PTN: variants seen among roughly 807,000 people sequenced by gnomAD.
PTN encodes the protein heparin affin regulatory protein.
In PTN, 18 loss-of-function variants were observed where a neutral mutation model predicts 24.1. That is an observed-to-expected ratio of 0.75 (90% CI 0.52 to 1.11). PTN has a LOEUF of 1.11. PTN is among the 50% of genes least tolerant of loss of function. The pLI is 0.00. For missense variants in PTN, 163 were observed against 198.8 expected, an observed-to-expected ratio of 0.82 and a Z score of 1.08; for synonymous variants, 78 against 68.6, an observed-to-expected ratio of 1.14 and a Z score of -0.67.
rs563579603 is a variant in PTN at position 137,341,037 on chromosome 7, C to T, written c.-2+2402G>A. Among the ~76,000 whole-genome samples the T allele has an allele frequency of 7.2e-5, 11 of 152,184 alleles. 2 individuals are homozygous for T. The highest frequency in any genetic ancestry group is 1.9e-4 in the African/African-American group (8 of 41,510). On this transcript the variant is annotated intron_variant, in intron 1 of 4. Coordinates refer to ENST00000348225, the MANE Select transcript of PTN (RefSeq NM_002825.7). ...CCATTTTCAACGAGCCGGGTAAACT[C>T]GATTTTGTGGGAAATTTTTGAATAG...
chr7:137,324,782 CTCA>C (rs1386292701), intron 1 of PTN: 2 of 152,116 alleles, frequency 1.3e-5, no homozygotes, highest in Non-Finnish European at 2.9e-5. Context: ...CCTCCTCCTT[CTCA>C]TCCATGGAAA....
chr7:137,269,624 A>ATTTTTTTTTTTT lies in PTN; in HGVS notation c.-1-14662_-1-14651dup, dbSNP rs869311084. ...TGCTATCTGTCAAGCTGCTTCATCT[A>ATTTTTTTTTTTT]TTTTTTTTTTTTTTTTTTTTTTTTT... On this transcript the variant is annotated intron_variant, in intron 1 of 4. Transcript: ENST00000348225. Among the ~76,000 whole-genome samples the ATTTTTTTTTTTT allele has an allele frequency of 8.7e-4, 55 of 63,010 alleles. 14 individuals are homozygous for ATTTTTTTTTTTT. The highest frequency in any genetic ancestry group is 3.9e-3 in the African/African-American group (53 of 13,424). 41.3% of individuals were successfully genotyped at this position (63,010 alleles called of 152,430 possible).
At chr7:137,304,099 C>T (rs1408761137) in intron 1 of PTN, among the ~76,000 whole-genome samples, 4 of 152,030 alleles carry the variant, frequency 2.6e-5, no homozygotes, top group Non-Finnish European at 4.4e-5. Context: ...GACTCCCATA[C>T]GGAGTTACCA....
At chr7:137,263,133 G>C (rs941617922) in intron 1 of PTN, among the ~76,000 whole-genome samples, 1 of 152,188 alleles carries the variant, frequency 6.6e-6, no homozygotes, top group Non-Finnish European at 1.5e-5. Flanking sequence ...GTGAATCAAG[G>C]TAGTGATGAA....
At chr7:137,233,911 T>C (rs200564990) in intron 4 of PTN, among the ~76,000 whole-genome samples, 46 of 138,090 alleles carry the variant, frequency 3.3e-4, no homozygotes, top group African/African-American at 1.1e-3. Context: ...CACACACACA[T>C]ACATATATGT....
Position 137,227,408 on chromosome 7 carries a change from A to C in PTN, c.*612T>G, listed in dbSNP as rs1204546577. ...TTTCCTCAGATGGAAAAATAATTTC[A>C]TCAAGAAAACAAATGCTTCTGCCAA... On this transcript the variant is annotated 3_prime_UTR_variant, in exon 5 of 5. Transcript: ENST00000348225. 2 of 151,642 alleles carry C rather than the reference A, an allele frequency of 1.3e-5. No individual in the cohort carries two copies. The highest frequency in any genetic ancestry group is 3.0e-5 in the Non-Finnish European group (2 of 67,656). The allele number at this position is 151,642 out of a possible 1,614,324, so 9.4% of individuals were successfully genotyped here. A position where few individuals can be genotyped will look rare whatever the true frequency, so the allele number is the denominator to read the frequency against.
chr7:137,277,904 ATGATAGAT>A (rs1563209545), intron 1 of PTN, among the ~76,000 whole-genome samples: 7 of 1,866 alleles, frequency 3.8e-3, no homozygotes, highest in Non-Finnish European at 7.9e-3. Flanking sequence ...GATAGATGAG[ATGATAGAT>A]AGATAGATAG....
At chr7:137,255,120 T>G (rs1381633047) in intron 1 of PTN, 146 bp from the exon 2 acceptor site, 2 of 514,058 alleles carry the variant, frequency 3.9e-6, no homozygotes, top group East Asian at 6.0e-5. Flanking sequence ...TTGGGTAGAA[T>G]TTTATCTATT....
chr7:137,309,098 C>T (rs975679315), intron 1 of PTN, among the ~76,000 whole-genome samples: 77 of 152,236 alleles, frequency 5.1e-4, no homozygotes, highest in African/African-American at 1.8e-3. Context: ...AACTGATGTA[C>T]GGCCATACCT....
intron 1 of PTN, among the ~76,000 whole-genome samples, chr7:137,269,301 G>A (rs1263077641): frequency 1.3e-5 from 2 of 152,000 alleles, no homozygotes; most frequent in African/African-American, 2.4e-5. Flanking sequence ...TTTTGATTTT[G>A]TTCACGCAGT....
At chr7:137,230,400 C>A (rs1001567300) in intron 4 of PTN, among the ~76,000 whole-genome samples, 4 of 151,826 alleles carry the variant, frequency 2.6e-5, no homozygotes, top group Admixed American at 2.6e-4. Flanking sequence ...TCAACTTATT[C>A]TTCTGACACA....
intron 1 of PTN, among the ~76,000 whole-genome samples, chr7:137,336,222 A>T (rs1308743214): frequency 6.6e-6 from 1 of 152,142 alleles, no homozygotes; most frequent in Non-Finnish European, 1.5e-5. Flanking sequence ...AACAAGTAAC[A>T]TCATCATCAT....
chr7:137,330,993 G>T (rs901192070), intron 1 of PTN, among the ~76,000 whole-genome samples: 1 of 152,172 alleles, frequency 6.6e-6, no homozygotes, highest in African/African-American at 2.4e-5. Context: ...TTTATGTGAG[G>T]TCTGAAGTTC....
chr7:137,322,051 C>T (rs1810171441), intron 1 of PTN, among the ~76,000 whole-genome samples: 1 of 152,320 alleles, frequency 6.6e-6, no homozygotes, highest in East Asian at 1.9e-4. Flanking sequence ...CCCTGGCACT[C>T]TCCTTCCTAA....
Position 137,304,547 on chromosome 7 carries a change from A to C in PTN, c.-2+38892T>G, listed in dbSNP as rs1156254698. On this transcript the variant is annotated intron_variant, in intron 1 of 4. Coordinates refer to ENST00000348225, the MANE Select transcript of PTN (RefSeq NM_002825.7). ...TTATTGCCTGAAAAGAGAACTAAAAAACAGGGAGGGCAAAAAAGAAGGAAT... is the reference window on the plus strand; with the variant it reads ...TTATTGCCTGAAAAGAGAACTAAAACACAGGGAGGGCAAAAAAGAAGGAAT... 3.8e-4 allele frequency among the ~76,000 whole-genome samples: 58 copies of C among 152,026 alleles called. 1 individual carries two copies. The highest frequency in any genetic ancestry group is 3.8e-3 in the Admixed American group (58 of 15,236).
At chr7:137,246,687 T>C (rs1409396728) in intron 4 of PTN, among the ~76,000 whole-genome samples, 2 of 152,198 alleles carry the variant, frequency 1.3e-5, no homozygotes, top group South Asian at 2.1e-4. Context: ...ATGTGGATAT[T>C]AGATCAGACA....
chr7:137,332,987 T>G (rs1333036200), intron 1 of PTN, among the ~76,000 whole-genome samples: 3 of 152,182 alleles, frequency 2.0e-5, no homozygotes, highest in Non-Finnish European at 2.9e-5. Context: ...CCACCAAACC[T>G]TATGTTGAAA....
chr7:137,246,651 A>C (rs1403313219), intron 4 of PTN, among the ~76,000 whole-genome samples: 1 of 152,196 alleles, frequency 6.6e-6, no homozygotes, highest in Non-Finnish European at 1.5e-5. Flanking sequence ...TGCATAAGTC[A>C]TTGATTTTCT....
At chr7:137,277,678 T>A (rs1264156561) in intron 1 of PTN, among the ~76,000 whole-genome samples, 1 of 152,124 alleles carries the variant, frequency 6.6e-6, no homozygotes, top group Non-Finnish European at 1.5e-5. Flanking sequence ...CAAACAATCC[T>A]CCTACCTCAG....
Sources: allele counts gnomAD v4.1 joint callset (sites outside exome capture counted in the v4.1 genomes callset), GRCh38; gene constraint gnomAD v4.1.1; transcripts MANE v1.5; gene names NCBI Gene and HGNC (gene_info 2026-07-23, HGNC 2026-07-21).